The following IL1RAPL1 variants were observed in gnomAD, a reference collection of about 807,000 sequenced individuals.
IL1RAPL1 encodes interleukin-1 receptor accessory protein-like 1.
IL1RAPL1 carries 3 observed loss-of-function variants against 48.4 expected under a neutral mutation model. The observed-to-expected ratio is 0.06, with a 90% CI of 0.03 to 0.16. The LOEUF (loss-of-function observed/expected upper bound fraction) is 0.16. Among genes scored for constraint, IL1RAPL1 ranks in the 10% least tolerant of loss-of-function variants. IL1RAPL1 has a pLI of 1.00. For synonymous variants in IL1RAPL1, 185 were observed against 187.7 expected (o/e 0.99, Z 0.12); for missense variants, 349 against 530.6 (o/e 0.66, Z 3.36).
chrX:29,581,802 A>G (rs1429552763), intron 5 of IL1RAPL1, among the ~76,000 whole-genome samples: 4 of 110,941 alleles, frequency 3.6e-5, no homozygotes, highest in African/African-American at 1.3e-4. Flanking sequence ...ATTATTGACA[A>G]CTCCCCAGAA....
In IL1RAPL1 at chrX:29,803,217, GTATACATATACACACATGTATATA is replaced by G. The variant is rs1188368329; in HGVS notation, c.779-114245_779-114222del. ...TATACATATACACACATGTATATAT[GTATACATATACACACATGTATATA>G]TGTATACATATACACACATGTATAT... On this transcript the variant is annotated intron_variant, in intron 6 of 10. Transcript: ENST00000378993. 5.3e-3 allele frequency among the ~76,000 whole-genome samples: 138 copies of G among 26,050 alleles called. 8 individuals carry two copies. The highest frequency in any genetic ancestry group is 9.5e-3 in the Non-Finnish European group (130 of 13,752). 22.6% of individuals were successfully genotyped at this position (26,050 alleles called of 115,157 possible).
intron 6 of IL1RAPL1, among the ~76,000 whole-genome samples, chrX:29,761,659 T>A (rs1050302047): frequency 1.3e-4 from 14 of 111,609 alleles, no homozygotes; most frequent in Admixed American, 1.2e-3. Flanking sequence ...ACTTAGAACA[T>A]TGCCTGGCAT....
At chrX:28,608,350 A>T (rs1357031476) in intron 1 of IL1RAPL1, among the ~76,000 whole-genome samples, 1 of 111,948 alleles carries the variant, frequency 8.9e-6, no homozygotes, top group Non-Finnish European at 1.9e-5. Flanking sequence ...AAATTTAGAG[A>T]TACTTTCTGT....
intron 2 of IL1RAPL1, among the ~76,000 whole-genome samples, chrX:28,925,711 A>T (rs1923724985): frequency 9.0e-6 from 1 of 111,564 alleles, no homozygotes; most frequent in African/African-American, 3.3e-5. Context: ...TCACAAGGTC[A>T]GGAGTTTGAG....
chrX:29,409,820 CTTTTTTTT>C (rs34018303), intron 5 of IL1RAPL1, among the ~76,000 whole-genome samples: 1,214 of 79,335 alleles, frequency 0.015, 27 homozygotes, highest in African/African-American at 0.052. Context: ...GTTCTAAATT[CTTTTTTTT>C]TTTTTTTTTT....
intron 2 of IL1RAPL1, among the ~76,000 whole-genome samples, chrX:28,862,412 C>A (rs746361157): frequency 8.9e-6 from 1 of 111,757 alleles, no homozygotes; most frequent in Non-Finnish European, 1.9e-5. Context: ...TCATGAGAGT[C>A]CTAGAGAATA....
At chrX:29,799,424 A>C (rs1929824819) in intron 6 of IL1RAPL1, among the ~76,000 whole-genome samples, 1 of 111,890 alleles carries the variant, frequency 8.9e-6, no homozygotes, top group South Asian at 3.7e-4. Context: ...GGTCTCCTTA[A>C]TTCATCAGAA....
chrX:29,382,228 A>G (rs1933720689), intron 3 of IL1RAPL1, among the ~76,000 whole-genome samples: 1 of 111,623 alleles, frequency 9.0e-6, no homozygotes, highest in South Asian at 3.7e-4. Flanking sequence ...TTCAGATAAG[A>G]CTGAATATAA....
chrX:28,861,735 C>G (rs2147302753), intron 2 of IL1RAPL1, among the ~76,000 whole-genome samples: 1 of 111,900 alleles, frequency 8.9e-6, no homozygotes, highest in South Asian at 3.7e-4. Flanking sequence ...CATACCCTCA[C>G]TAGGACTTCT....
At chrX:29,750,326 GTT>G (rs1218855472) in intron 6 of IL1RAPL1, among the ~76,000 whole-genome samples, 1 of 111,774 alleles carries the variant, frequency 8.9e-6, no homozygotes, top group Non-Finnish European at 1.9e-5. Flanking sequence ...ATTCATAGCT[GTT>G]TTTCACTTTA....
At chrX:28,713,020 T>C (rs375109079) in intron 1 of IL1RAPL1, among the ~76,000 whole-genome samples, 1 of 111,606 alleles carries the variant, frequency 9.0e-6, no homozygotes, top group African/African-American at 3.2e-5. Flanking sequence ...TCTTGTTCTA[T>C]AATGCCTTTA....
chrX:28,880,307 G>A (rs1569191649), intron 2 of IL1RAPL1, among the ~76,000 whole-genome samples: 1 of 111,995 alleles, frequency 8.9e-6, no homozygotes, highest in Non-Finnish European at 1.9e-5. Context: ...AAAGGTCATG[G>A]AATCCAACCT....
intron 2 of IL1RAPL1, among the ~76,000 whole-genome samples, chrX:29,088,677 A>T (rs1221712252): frequency 9.3e-6 from 1 of 107,146 alleles, no homozygotes; most frequent in Non-Finnish European, 1.9e-5. Context: ...CTTCTCAAAA[A>T]AAAAAAAAAA....
chrX:29,162,195 G>A (rs181739460), intron 2 of IL1RAPL1, among the ~76,000 whole-genome samples: 6 of 110,268 alleles, frequency 5.4e-5, no homozygotes, highest in Admixed American at 9.7e-5. Context: ...CATCACACAC[G>A]GGGGCCTGTC....
chrX:29,775,999 C>T (rs918749900), intron 6 of IL1RAPL1, among the ~76,000 whole-genome samples: 1 of 110,856 alleles, frequency 9.0e-6, no homozygotes, highest in African/African-American at 3.3e-5. Flanking sequence ...CTCTTTCTAT[C>T]TCTAAATCTC....
At chrX:28,871,157 A>T (rs1194573839) in intron 2 of IL1RAPL1, among the ~76,000 whole-genome samples, 1 of 112,241 alleles carries the variant, frequency 8.9e-6, no homozygotes, top group Non-Finnish European at 1.9e-5. Flanking sequence ...TAAGCCGGTA[A>T]GAGAAAAGCA....
At chrX:29,026,097 T>G (rs1402377167) in intron 2 of IL1RAPL1, among the ~76,000 whole-genome samples, 1 of 112,108 alleles carries the variant, frequency 8.9e-6, no homozygotes, top group Non-Finnish European at 1.9e-5. Context: ...AAGCAAGAAG[T>G]GGGCAAATGA....
intron 2 of IL1RAPL1, among the ~76,000 whole-genome samples, chrX:29,211,216 G>A (rs1412364512): frequency 5.4e-5 from 6 of 111,207 alleles, no homozygotes; most frequent in Non-Finnish European, 9.4e-5. Context: ...TGGGATAGAG[G>A]TGGGGCCGGT....
chrX:29,208,736 A>AATAATAATAAT (rs199568044), intron 2 of IL1RAPL1, among the ~76,000 whole-genome samples: 28 of 81,650 alleles, frequency 3.4e-4, no homozygotes, highest in Admixed American at 5.0e-4. Context: ...TAATAATAAT[A>AATAATAATAAT]AATAAATAAA....
Sources: gnomAD v4.1 joint callset for allele counts (sites outside exome capture counted in the v4.1 genomes callset) on GRCh38, gnomAD v4.1.1 for gene constraint, MANE v1.5 for transcripts, NCBI Gene and HGNC (gene_info 2026-07-23, HGNC 2026-07-21) for gene names.